IBTK: variants seen among roughly 807,000 people sequenced by gnomAD.
The protein encoded by IBTK is BTK-binding protein.
A neutral mutation model predicts 154.9 loss-of-function variants in IBTK; 83 were observed. The ratio of observed to expected loss-of-function variants is 0.54; its 90% CI spans 0.45 to 0.64. IBTK has a LOEUF of 0.64. IBTK is among the 30% of genes least tolerant of loss of function. The pLI is 0.00. For synonymous variants in IBTK, 515 were observed against 536.1 expected (o/e 0.96, Z 0.54); for missense variants, 1,332 against 1,584.6 (o/e 0.84, Z 2.71).
At chr6:82,240,908 T>C (rs1354701609) in intron 1 of IBTK, 65 bp from the exon 2 acceptor site, 1 of 402,366 alleles carries the variant, frequency 2.5e-6, no homozygotes, top group Non-Finnish European at 4.4e-6. Context: ...TTGAGTACTT[T>C]AGAACACAAC....
chr6:82,180,533 T>C (rs1562070543), intron 26 of IBTK, among the ~76,000 whole-genome samples: 1 of 152,180 alleles, frequency 6.6e-6, no homozygotes, highest in Non-Finnish European at 1.5e-5. Context: ...ATTACAGGCA[T>C]TAAGCCACTG....
intron 1 of IBTK, among the ~76,000 whole-genome samples, chr6:82,243,575 G>A (rs944539610): frequency 6.6e-6 from 1 of 152,180 alleles, no homozygotes; most frequent in Admixed American, 6.5e-5. Context: ...TAGTCACTGA[G>A]TAGCCCTCTT....
At chr6:82,212,262 A>G (rs1219389510) in intron 13 of IBTK, among the ~76,000 whole-genome samples, 1 of 152,192 alleles carries the variant, frequency 6.6e-6, no homozygotes, top group Non-Finnish European at 1.5e-5. Flanking sequence ...CTGAGATTAC[A>G]GGCGTGAGCC....
intron 26 of IBTK, among the ~76,000 whole-genome samples, chr6:82,177,892 T>G (rs1768177250): frequency 6.6e-6 from 1 of 152,160 alleles, no homozygotes. Context: ...TTAACTTCCA[T>G]GTATGTATAT....
chr6:82,222,519 C>T (rs1023693042), intron 8 of IBTK, among the ~76,000 whole-genome samples: 4 of 151,954 alleles, frequency 2.6e-5, no homozygotes, highest in African/African-American at 9.7e-5. Context: ...TAGTCTGAAA[C>T]CTGTCTATAG....
At chr6:82,199,496 T>C (rs1769119173) in intron 21 of IBTK, among the ~76,000 whole-genome samples, 2 of 152,182 alleles carry the variant, frequency 1.3e-5, no homozygotes, top group African/African-American at 2.4e-5. Flanking sequence ...AATGCCTAAA[T>C]ACATTTTATA....
intron 25 of IBTK, chr6:82,188,999 A>T: frequency 6.8e-6 from 3 of 443,594 alleles, no homozygotes; most frequent in Non-Finnish European, 1.3e-5. Context: ...CACTGCACTC[A>T]AACCTGAACA....
chr6:82,244,131 C>T (rs1200333604), intron 1 of IBTK, among the ~76,000 whole-genome samples: 2 of 152,182 alleles, frequency 1.3e-5, no homozygotes, highest in Admixed American at 1.3e-4. Context: ...ATGGACTTCA[C>T]ATGGTTACTA....
intron 26 of IBTK, among the ~76,000 whole-genome samples, chr6:82,177,002 TA>T (rs770359396): frequency 6.6e-6 from 1 of 150,828 alleles, no homozygotes; most frequent in Non-Finnish European, 1.5e-5. Flanking sequence ...TGCTTATAAA[TA>T]TAATAATAAA....
At chr6:82,234,863 C>CT (rs896829747) in intron 2 of IBTK, among the ~76,000 whole-genome samples, 4 of 151,344 alleles carry the variant, frequency 2.6e-5, no homozygotes, top group East Asian at 2.0e-4. Context: ...TACATGTGAA[C>CT]TTTTTTTTGC....
chr6:82,212,244 C>G (rs1238906388), intron 13 of IBTK, among the ~76,000 whole-genome samples: 1 of 152,070 alleles, frequency 6.6e-6, no homozygotes, highest in Non-Finnish European at 1.5e-5. Context: ...CCTCGGCCCC[C>G]CAAAGTGCTG....
Position 82,173,400 on chromosome 6 carries a change from T to C in IBTK, c.3764A>G (p.His1255Arg). The part of the protein sequence containing the change: ...THGTPGPEGN[H>R]ISDLPLLDSP... ...GTCTAGAAGTGGTAAATCTGAAATA[T>C]GGTTGCCTTCTGGTCCTGGGGTACC... Residue 1255 changes from histidine to arginine, a missense_variant, in exon 27 of 29, where the codon CAT (histidine) becomes CGT (arginine). Physicochemically the swap from His to Arg is conservative, Grantham distance 29. Transcript: ENST00000306270. 1.2e-6 allele frequency: 2 copies of C among 1,613,758 alleles called. No homozygotes were observed. The highest frequency in any genetic ancestry group is 1.7e-6 in the Non-Finnish European group (2 of 1,179,724).
rs1344291949 is a variant in IBTK, at chr6:82,171,522, A to T, written c.3965T>A (p.Phe1322Tyr). 6.2e-7 allele frequency: 1 copy of T among 1,610,564 alleles called. No homozygotes were observed. The change falls in exon 29 of 29, where the codon TTC becomes TAC. Residue 1322 changes from phenylalanine to tyrosine, a missense_variant. Phe to Tyr is a conservative substitution (Grantham distance 22). Around this residue, in one of 3 missense-constraint regions of IBTK, gnomAD observed 1,134 missense variants for 1,274.7 expected, o/e 0.89. Coordinates refer to ENST00000306270, the MANE Select transcript of IBTK (RefSeq NM_015525.4). ...EEHAIQDLLV[F>Y]YEAFGNPEEF... ...TTCAGGGTTGCCAAATGCCTCATAG[A>T]AAACCAATAAATCTTGTATGGCATG...
rs973715731 is a variant in IBTK at position 82,214,808 on chromosome 6, C to T, written c.1623G>A (p.Val541=). 6 of 1,591,228 alleles carry T rather than the reference C, an allele frequency of 3.8e-6. No individual in the cohort carries two copies. Among genetic ancestry groups the T allele is most frequent in the Non-Finnish European group, 3.4e-6 (4 of 1,168,750 alleles). The change falls in exon 12 of 29, where the codon GTG becomes GTA. Residue 541 remains valine (V), a synonymous_variant. Transcript: ENST00000306270. The part of the protein sequence containing the change: ...PKTSLYEIPA[V]SSSSFFEEFG... The stretch of plus-strand genomic sequence containing the variant: ...ACTCTTCAAAAAAGGATGATGAGGA[C>T]ACAGCTGGAATTTCATAAAGGCTAG...
At chr6:82,236,605 A>G (rs1770723347) in intron 2 of IBTK, among the ~76,000 whole-genome samples, 2 of 152,146 alleles carry the variant, frequency 1.3e-5, no homozygotes, top group Admixed American at 1.3e-4. Flanking sequence ...GTAGGCAACA[A>G]GTTTCTGCTA....
At position 82,223,607 on chromosome 6, in the gene IBTK, A is replaced by G; in HGVS notation, c.957T>C (p.Asp319=). 1 of 1,612,166 alleles carries G rather than the reference A, an allele frequency of 6.2e-7. No individual in the cohort carries two copies. The highest frequency in any genetic ancestry group is 8.5e-7 in the Non-Finnish European group (1 of 1,179,158). ...CAGTTACACACTTTTCTCCATTGGG[A>G]TCTAGCAAACAACCTAAAAAATGAT... is the stretch of plus-strand genomic sequence containing the variant. ...LNGGQLGCLL[D]PNGEKCVTAP... Residue 319 remains aspartate, a synonymous_variant, in exon 8 of 29, where the codon GAT becomes GAC. Coordinates refer to ENST00000306270, the MANE Select transcript of IBTK (RefSeq NM_015525.4).
rs935662953 is a variant in IBTK at position 82,240,171 on chromosome 6, A to T, written c.316T>A (p.Leu106Met). The change falls in exon 2 of 29, where the codon TTG becomes ATG. Residue 106 changes from leucine to methionine, a missense_variant. Leu to Met is a conservative substitution (Grantham distance 15). Transcript: ENST00000306270. ...YGHIDCVWSL[L>M]KHGVSLYIQD... ...AATAAACAAATGACAATTACCTTCA[A>T]TAGAGACCAAACACAATCAATATGT... 3.1e-6 allele frequency: 5 copies of T among 1,610,808 alleles called. No homozygotes were observed. The highest frequency in any genetic ancestry group is 4.2e-6 in the Non-Finnish European group (5 of 1,177,284).
In IBTK at chr6:82,240,102, T is replaced by A. The variant is rs796295327; in HGVS notation, c.321+64A>T. 84 of 1,402,012 alleles carry A rather than the reference T, an allele frequency of 6.0e-5. No homozygotes were observed. The African/African-American group carries it at 1.0e-3, about 17-fold the overall frequency. The allele number at this position is 1,402,012 out of a possible 1,614,324, so 86.8% of individuals were successfully genotyped here. A position where few individuals can be genotyped will look rare whatever the true frequency, so the allele number is the denominator to read the frequency against. On this transcript the variant is annotated intron_variant, in intron 2 of 28. Coordinates refer to ENST00000306270, the MANE Select transcript of IBTK (RefSeq NM_015525.4). ...TTTTCCAAAAAGCATGTAGGATGTATGAAAATGATTAAGAAAAACATATTC... is the reference window on the plus strand; with the variant it reads ...TTTTCCAAAAAGCATGTAGGATGTAAGAAAATGATTAAGAAAAACATATTC...
intron 1 of IBTK, among the ~76,000 whole-genome samples, chr6:82,246,441 CTT>C (rs1554189129): frequency 6.3e-5 from 7 of 111,670 alleles, no homozygotes; most frequent in South Asian, 3.0e-4. Flanking sequence ...TTACAGGCAT[CTT>C]TTTTTTTTTT....
Sources: allele counts gnomAD v4.1 joint callset (sites outside exome capture counted in the v4.1 genomes callset), GRCh38; gene constraint gnomAD v4.1.1; regional missense constraint gnomAD v4.1.1; transcripts MANE v1.5; gene names NCBI Gene and HGNC (gene_info 2026-07-23, HGNC 2026-07-21).